The following KCNAB1 variants were observed in gnomAD, a reference collection of about 807,000 sequenced individuals.
KCNAB1 encodes the protein potassium voltage-gated channel subfamily A regulatory beta subunit 1, also known as voltage-gated potassium channel subunit beta-1.
In KCNAB1, 35 loss-of-function variants were observed where a neutral mutation model predicts 64.6. That is an observed-to-expected ratio of 0.54 (90% CI 0.41 to 0.72). The LOEUF (loss-of-function observed/expected upper bound fraction) is 0.72. KCNAB1 is among the 30% of genes least tolerant of loss of function. The probability of loss-of-function intolerance (pLI) is 0.00; values close to 1 mark genes in which losing one functional copy is unlikely to be tolerated. For synonymous variants in KCNAB1, 177 were observed against 183.8 expected, an observed-to-expected ratio of 0.96 and a Z score of 0.30; for missense variants, 401 against 512.9, an observed-to-expected ratio of 0.78 and a Z score of 2.11.
chr3:156,289,976 A>G (rs1283170723), intron 1 of KCNAB1, among the ~76,000 whole-genome samples: 3 of 152,100 alleles, frequency 2.0e-5, no homozygotes, highest in Non-Finnish European at 4.4e-5. Context: ...TACCAGGCAA[A>G]GTCCCACTCT....
intron 1 of KCNAB1, among the ~76,000 whole-genome samples, chr3:156,409,283 C>A (rs1002702172): frequency 3.9e-5 from 6 of 152,128 alleles, no homozygotes; most frequent in African/African-American, 1.4e-4. Flanking sequence ...TGATTTTAAC[C>A]AACTGGAATT....
chr3:156,531,336 G>A, intron 12 of KCNAB1, 73 bp from the exon 13 acceptor site: 2 of 1,108,578 alleles, frequency 1.8e-6, no homozygotes, highest in East Asian at 2.3e-5. Context: ...ACAAACAGCT[G>A]TAGCAGGTGT....
intron 13 of KCNAB1, among the ~76,000 whole-genome samples, chr3:156,535,357 A>C (rs746665007): frequency 3.3e-5 from 5 of 152,164 alleles, no homozygotes; most frequent in Non-Finnish European, 5.9e-5. Context: ...AGACTTTTCC[A>C]GTGAGAAAGT....
intron 1 of KCNAB1, among the ~76,000 whole-genome samples, chr3:156,185,599 T>A (rs1013948520): frequency 6.6e-6 from 1 of 152,122 alleles, no homozygotes; most frequent in African/African-American, 2.4e-5. Flanking sequence ...ATTAGTAAAT[T>A]GTGAAAATGT....
chr3:156,132,883 A>G (rs1714084979), intron 1 of KCNAB1, among the ~76,000 whole-genome samples: 1 of 152,240 alleles, frequency 6.6e-6, no homozygotes, highest in African/African-American at 2.4e-5. Context: ...CCTCAATGAT[A>G]TTCTGGCATT....
At chr3:156,527,178 C>T (rs1179653657) in intron 12 of KCNAB1, among the ~76,000 whole-genome samples, 5 of 152,152 alleles carry the variant, frequency 3.3e-5, no homozygotes, top group Admixed American at 3.3e-4. Context: ...AATGTTATTA[C>T]TTAGCAACTC....
chr3:156,193,817 A>C (rs911196616), intron 1 of KCNAB1, among the ~76,000 whole-genome samples: 1 of 152,178 alleles, frequency 6.6e-6, no homozygotes, highest in Non-Finnish European at 1.5e-5. Context: ...GGACACAGCC[A>C]AACCATATCA....
rs1714160417 is a variant in KCNAB1 at position 156,474,084 on chromosome 3, G to T, written c.572-650G>T. 2.0e-5 allele frequency among the ~76,000 whole-genome samples: 3 copies of T among 152,004 alleles called. No individual in the cohort carries two copies. In the South Asian group the frequency reaches 6.2e-4, roughly 32 times the overall value. On this transcript the variant is annotated intron_variant, in intron 7 of 13. Transcript: ENST00000490337. ...TCATATTACGTCTTCAGTCTTTATA[G>T]CATTAGCGTCCAGTGTTTTTGTTTC...
At chr3:156,472,267 T>C (rs1713966302) in intron 7 of KCNAB1, among the ~76,000 whole-genome samples, 1 of 152,180 alleles carries the variant, frequency 6.6e-6, no homozygotes, top group Non-Finnish European at 1.5e-5. Context: ...CTGTCCCAAA[T>C]GTGTACACCT....
intron 1 of KCNAB1, among the ~76,000 whole-genome samples, chr3:156,201,305 T>C (rs958030463): frequency 3.3e-5 from 5 of 152,206 alleles, no homozygotes; most frequent in Admixed American, 3.3e-4. Flanking sequence ...TATTAATAAA[T>C]ATAATTTTAG....
At chr3:156,331,895 CCAGA>C (rs1302987824) in intron 1 of KCNAB1, among the ~76,000 whole-genome samples, 3 of 152,068 alleles carry the variant, frequency 2.0e-5, no homozygotes, top group Non-Finnish European at 4.4e-5. Flanking sequence ...CCAGGATGAG[CCAGA>C]CAAACATTAA....
chr3:156,189,378 G>C (rs1713410649), intron 1 of KCNAB1, among the ~76,000 whole-genome samples: 1 of 152,200 alleles, frequency 6.6e-6, no homozygotes, highest in African/African-American at 2.4e-5. Flanking sequence ...TGAGTAAGCA[G>C]CCACCCACTG....
Position 156,158,186 on chromosome 3 carries a change from ATAAATAAATAAATAAAT to A in KCNAB1, c.275+37301_275+37317del, listed in dbSNP as rs1240417444. On this transcript the variant is annotated intron_variant, in intron 1 of 13. Transcript: ENST00000490337. ...TCTCAAAAAAAAAAATAAAAAATAAATAAATAAATAAATAAATAAATAAATAAATAAATAAATGGGCC... is the reference window on the plus strand; with the variant it reads ...TCTCAAAAAAAAAAATAAAAAATAAAAAATAAATAAATAAATAAATGGGCC... Among the ~76,000 whole-genome samples, 549 of 89,040 alleles carry A rather than the reference ATAAATAAATAAATAAAT, an allele frequency of 6.2e-3. 7 individuals carry two copies. The highest frequency in any genetic ancestry group is 0.019 in the African/African-American group (520 of 27,460). 58.4% of individuals were successfully genotyped at this position (89,040 alleles called of 152,430 possible). A position where few individuals can be genotyped will look rare whatever the true frequency, so the allele number is the denominator to read the frequency against.
At chr3:156,415,278 T>C (rs757588254) in intron 1 of KCNAB1, among the ~76,000 whole-genome samples, 4 of 152,228 alleles carry the variant, frequency 2.6e-5, no homozygotes, top group South Asian at 2.1e-4. Context: ...CTAACACTAA[T>C]TGAACACTGA....
At chr3:156,246,158 A>G (rs1321278515) in intron 1 of KCNAB1, among the ~76,000 whole-genome samples, 1 of 152,218 alleles carries the variant, frequency 6.6e-6, no homozygotes, top group Non-Finnish European at 1.5e-5. Flanking sequence ...CATAGCTGGT[A>G]GTTGGGCACT....
intron 8 of KCNAB1, among the ~76,000 whole-genome samples, chr3:156,509,600 C>A (rs567170345): frequency 6.6e-6 from 1 of 152,204 alleles, no homozygotes; most frequent in Non-Finnish European, 1.5e-5. Flanking sequence ...GCCCCCACTC[C>A]AGGTGTTTCT....
intron 2 of KCNAB1, among the ~76,000 whole-genome samples, chr3:156,430,523 C>T (rs1035994802): frequency 3.3e-5 from 5 of 152,154 alleles, no homozygotes; most frequent in Non-Finnish European, 5.9e-5. Context: ...TTTATAAAGA[C>T]GATCTCACTA....
intron 1 of KCNAB1, among the ~76,000 whole-genome samples, chr3:156,159,818 C>T (rs1715968833): frequency 6.6e-6 from 1 of 152,188 alleles, no homozygotes. Flanking sequence ...CCAGTTTTCT[C>T]TTTGCACAAT....
intron 11 of KCNAB1, among the ~76,000 whole-genome samples, chr3:156,517,795 T>C (rs1052634649): frequency 5.3e-5 from 8 of 152,246 alleles, no homozygotes; most frequent in African/African-American, 9.6e-5. Flanking sequence ...ATGCAGAGTG[T>C]TTGTTCTCAC....
Sources: allele counts gnomAD v4.1 joint callset (sites outside exome capture counted in the v4.1 genomes callset), GRCh38; gene constraint gnomAD v4.1.1; transcripts MANE v1.5; gene names NCBI Gene and HGNC (gene_info 2026-07-23, HGNC 2026-07-21).